The following ANXA1 variants were observed in gnomAD, a reference collection of about 807,000 sequenced individuals.
ANXA1 encodes the protein annexin I (lipocortin I).
In ANXA1, 39 loss-of-function variants were observed where a neutral mutation model predicts 47.9. That is an observed-to-expected ratio of 0.81 (90% CI 0.63 to 1.06). The LOEUF is 1.06. Among genes scored for constraint, ANXA1 ranks in the 50% least tolerant of loss-of-function variants. The pLI is 0.00. For missense variants in ANXA1, 446 were observed against 422.7 expected (o/e 1.06, Z -0.48); for synonymous variants, 146 against 142.5 (o/e 1.02, Z -0.17).
At chr9:73,156,515 G>A (rs1824050943) in intron 1 of ANXA1, among the ~76,000 whole-genome samples, 1 of 152,146 alleles carries the variant, frequency 6.6e-6, no homozygotes, top group Non-Finnish European at 1.5e-5. Context: ...TAAATGAATG[G>A]AAAAAGTATT....
intron 1 of ANXA1, chr9:73,157,761 G>A (rs1414324313): frequency 6.7e-6 from 1 of 148,432 alleles, no homozygotes; most frequent in Non-Finnish European, 1.5e-5. Flanking sequence ...CTACTAAATA[G>A]TATTCTAATC....
intron 7 of ANXA1, 34 bp from the exon 8 acceptor site, chr9:73,163,442 A>G: frequency 6.2e-7 from 1 of 1,600,348 alleles, no homozygotes; most frequent in Non-Finnish European, 8.6e-7. Flanking sequence ...TACATGCTAG[A>G]GAAGAGCTTA....
intron 9 of ANXA1, chr9:73,165,548 A>G (rs1048336146): frequency 2.4e-5 from 4 of 169,440 alleles, no homozygotes; most frequent in African/African-American, 9.6e-5. Flanking sequence ...AAAAAAAACA[A>G]AAAACCCTCA....
intron 6 of ANXA1, among the ~76,000 whole-genome samples, chr9:73,161,619 C>T (rs1345509306): frequency 6.6e-6 from 1 of 152,036 alleles, no homozygotes; most frequent in Non-Finnish European, 1.5e-5. Context: ...GCTTGATTCT[C>T]ATACCAAGCA....
At chr9:73,157,482 T>C (rs759297632) in intron 1 of ANXA1, among the ~76,000 whole-genome samples, 23 of 151,538 alleles carry the variant, frequency 1.5e-4, no homozygotes, top group Non-Finnish European at 3.2e-4. Flanking sequence ...GGTGAAAACC[T>C]GTCTCTACTA....
rs565435361 is a variant in ANXA1 at position 73,159,261 on chromosome 9, T to C, written c.176-68T>C. 67 of 1,219,720 alleles carry C rather than the reference T, an allele frequency of 5.5e-5. No individual in the cohort carries two copies. In the African/African-American group the frequency reaches 8.0e-4, roughly 14 times the overall value. The allele number at this position is 1,219,720 out of a possible 1,614,324, so 75.6% of individuals were successfully genotyped here. A position where few individuals can be genotyped will look rare whatever the true frequency, so the allele number is the denominator to read the frequency against. ...AAGTTCTTTTGGAGCATCTCAGTAA[T>C]GAATTATTTTATGTCAATTGATGAT... On this transcript the variant is annotated intron_variant, in intron 3 of 12. Transcript: ENST00000257497.
At chr9:73,163,824 C>T (rs187305169) in intron 8 of ANXA1, among the ~76,000 whole-genome samples, 46 of 152,132 alleles carry the variant, frequency 3.0e-4, no homozygotes, top group African/African-American at 9.9e-4. Context: ...TCTGACCTTT[C>T]GTTGTACTAG....
chr9:73,156,104 A>G (rs1307735303), intron 1 of ANXA1, among the ~76,000 whole-genome samples: 6 of 137,032 alleles, frequency 4.4e-5, no homozygotes, highest in African/African-American at 1.7e-4. Context: ...AAAAGAATGG[A>G]ATAATAATAA....
Position 73,159,462 on chromosome 9 carries a change from A to G in ANXA1, c.270+39A>G. 1.9e-6 allele frequency: 3 copies of G among 1,558,934 alleles called. 1 individual carries two copies. The highest frequency in any genetic ancestry group is 2.2e-5 in the South Asian group (2 of 89,666). ...GTAAATTTAGATATTTAATTTCAGC[A>G]TAGTTATACTTAACCATGGATTCGG... On this transcript the variant is annotated intron_variant, in intron 4 of 12. Coordinates refer to ENST00000257497, the MANE Select transcript of ANXA1 (RefSeq NM_000700.3).
chr9:73,166,877 AT>A (rs1460188419), intron 10 of ANXA1, among the ~76,000 whole-genome samples: 5 of 152,118 alleles, frequency 3.3e-5, no homozygotes, highest in African/African-American at 1.2e-4. Flanking sequence ...ATGAACTGGA[AT>A]GTGCTAGTAT....
At chr9:73,158,473 G>T (rs1824084142) in intron 1 of ANXA1, 49 bp from the exon 2 acceptor site, 2 of 1,398,804 alleles carry the variant, frequency 1.4e-6, no homozygotes, top group Non-Finnish European at 2.0e-6. Context: ...AGGAGAGGTT[G>T]TGTGTGGTGC....
At chr9:73,157,370 T>C (rs976876836) in intron 1 of ANXA1, among the ~76,000 whole-genome samples, 14 of 152,092 alleles carry the variant, frequency 9.2e-5, no homozygotes, top group Non-Finnish European at 1.9e-4. Context: ...AATGTAATCA[T>C]TGGCTGGGAG....
chr9:73,158,682 C>G lies in ANXA1; in HGVS notation c.67-13C>G, dbSNP rs755341198. On this transcript the variant is annotated splice_polypyrimidine_tract_variant and intron_variant, in intron 2 of 12. Transcript: ENST00000257497. ...AGTAAATGGCCATTAATTTATTTCT[C>G]TCTCATTCTTAGCAAACTGTGAAGT... 9 of 1,613,284 alleles carry G rather than the reference C, an allele frequency of 5.6e-6. No homozygotes were observed. Among genetic ancestry groups the G allele is most frequent in the Non-Finnish European group, 7.6e-6 (9 of 1,179,384 alleles).
rs781682499 is a variant in ANXA1 at position 73,158,756 on chromosome 9, A to G, written c.128A>G (p.Asn43Ser). The change falls in exon 3 of 13, where the codon AAT (asparagine) becomes AGT (serine). Residue 43 changes from asparagine to serine, a missense_variant. Coordinates refer to ENST00000257497, the MANE Select transcript of ANXA1 (RefSeq NM_000700.3). ...GCGGTGAGCCCCTATCCTACCTTCAATCCATCCTCGGATGTCGCTGCCTTG... is the reference window on the plus strand; with the variant it reads ...GCGGTGAGCCCCTATCCTACCTTCAGTCCATCCTCGGATGTCGCTGCCTTG... ...GSAVSPYPTFNPSSDVAALHK... is the reference protein window; with the variant it reads ...GSAVSPYPTFSPSSDVAALHK... The G allele has an allele frequency of 2.5e-6, 4 of 1,613,690 alleles. No individual in the cohort carries two copies. Among genetic ancestry groups the G allele is most frequent in the East Asian group, 2.2e-5 (1 of 44,888 alleles).
chr9:73,158,736 G>T lies in ANXA1; in HGVS notation c.108G>T (p.Val36=). ...CCAAAGGTGGTCCCGGATCAGCGGTGAGCCCCTATCCTACCTTCAATCCAT... is the reference window on the plus strand; with the variant it reads ...CCAAAGGTGGTCCCGGATCAGCGGTTAGCCCCTATCCTACCTTCAATCCAT... ...KSSKGGPGSA[V]SPYPTFNPSS... The change falls in exon 3 of 13, where the codon GTG becomes GTT. Residue 36 remains valine, a synonymous_variant. Transcript: ENST00000257497. The T allele has an allele frequency of 6.2e-7, 1 of 1,613,880 alleles. No individual in the cohort carries two copies. Among genetic ancestry groups the T allele is most frequent in the Non-Finnish European group, 8.5e-7 (1 of 1,179,876 alleles).
intron 1 of ANXA1, among the ~76,000 whole-genome samples, chr9:73,156,240 A>T (rs573101500): frequency 6.6e-6 from 1 of 151,796 alleles, no homozygotes; most frequent in South Asian, 2.1e-4. Context: ...GATGAATTTT[A>T]ACACTCATTT....
intron 1 of ANXA1, among the ~76,000 whole-genome samples, chr9:73,153,881 G>A (rs906157136): frequency 6.6e-6 from 1 of 152,160 alleles, no homozygotes; most frequent in African/African-American, 2.4e-5. Context: ...CCAATGGAAA[G>A]TGATAATACA....
rs1588220526 is a variant in ANXA1, at chr9:73,160,848, A to G, written c.430A>G (p.Arg144Gly). The part of the protein sequence containing the change: ...EDTLIEILAS[R>G]TNKEIRDINR... ...TACTCTAATTGAGATTTTGGCATCA[A>G]GAACTAACAAAGAAATCAGAGACAT... Residue 144 changes from arginine to glycine, a missense_variant, in exon 6 of 13, where the codon AGA becomes GGA. Arg to Gly is a moderately radical substitution (Grantham distance 125). Transcript: ENST00000257497. 1 of 1,613,102 alleles carries G rather than the reference A, an allele frequency of 6.2e-7. No individual in the cohort carries two copies. Among genetic ancestry groups the G allele is most frequent in the South Asian group, 1.1e-5 (1 of 91,054 alleles).
intron 1 of ANXA1, among the ~76,000 whole-genome samples, chr9:73,153,924 G>A (rs1277446699): frequency 6.6e-6 from 1 of 152,148 alleles, no homozygotes; most frequent in Non-Finnish European, 1.5e-5. Flanking sequence ...GTGAAGTCAG[G>A]ATGCTTTGGG....
Sources: allele counts gnomAD v4.1 joint callset (sites outside exome capture counted in the v4.1 genomes callset), GRCh38; gene constraint gnomAD v4.1.1; transcripts MANE v1.5; gene names NCBI Gene and HGNC (gene_info 2026-07-23, HGNC 2026-07-21).